SHQ1: variants seen among roughly 807,000 people sequenced by gnomAD.
The protein encoded by SHQ1 is protein SHQ1 homolog.
A neutral mutation model predicts 53.8 loss-of-function variants in SHQ1; 49 were observed. The ratio of observed to expected loss-of-function variants is 0.91; its 90% confidence interval spans 0.72 to 1.16. The LOEUF is 1.16. Among genes scored for constraint, SHQ1 ranks in the 50% most tolerant of loss-of-function variants. The pLI is 0.00. For synonymous variants in SHQ1, 243 were observed against 251.0 expected, an observed-to-expected ratio of 0.97 and a Z score of 0.30; for missense variants, 738 against 683.1, an observed-to-expected ratio of 1.08 and a Z score of -0.90.
At chr3:72,784,916 C>T (rs1218802652) in intron 10 of SHQ1, among the ~76,000 whole-genome samples, 1 of 152,176 alleles carries the variant, frequency 6.6e-6, no homozygotes, top group Admixed American at 6.6e-5. Context: ...GCAGTGTCTT[C>T]TTGAGGTGGC....
chr3:72,807,957 T>A (rs1048370906), intron 9 of SHQ1, among the ~76,000 whole-genome samples: 1 of 152,204 alleles, frequency 6.6e-6, no homozygotes, highest in Non-Finnish European at 1.5e-5. Context: ...GTTTCTTGGG[T>A]TACTACCTGC....
intron 1 of SHQ1, among the ~76,000 whole-genome samples, chr3:72,847,774 G>A (rs1289559578): frequency 6.6e-6 from 1 of 152,102 alleles, no homozygotes; most frequent in Non-Finnish European, 1.5e-5. Context: ...GGCGGCCTGG[G>A]CAAAGTTAAA....
chr3:72,795,515 A>T (rs931008735), intron 9 of SHQ1: 7 of 152,214 alleles, frequency 4.6e-5, no homozygotes, highest in Non-Finnish European at 7.3e-5. Context: ...GGAACAACTG[A>T]CCTGTAAGAA....
chr3:72,803,053 A>G (rs1706836753), intron 9 of SHQ1, among the ~76,000 whole-genome samples: 1 of 152,170 alleles, frequency 6.6e-6, no homozygotes, highest in Non-Finnish European at 1.5e-5. Context: ...CCTTCACTGC[A>G]GCTAAAACTG....
intron 5 of SHQ1, 36 bp downstream of exon 5, chr3:72,832,333 G>A: frequency 6.8e-7 from 1 of 1,460,852 alleles, no homozygotes; most frequent in Non-Finnish European, 9.6e-7. Context: ...TAAATGTCAA[G>A]TAAATTATTT....
chr3:72,825,288 A>G (rs1471816621), intron 5 of SHQ1, among the ~76,000 whole-genome samples: 1 of 151,730 alleles, frequency 6.6e-6, no homozygotes, highest in African/African-American at 2.4e-5. Context: ...TTTGAACTCA[A>G]CCAGCAAAGA....
At chr3:72,768,103 C>G (rs1006807976) in intron 10 of SHQ1, among the ~76,000 whole-genome samples, 3 of 152,082 alleles carry the variant, frequency 2.0e-5, no homozygotes, top group African/African-American at 7.2e-5. Flanking sequence ...GCTGTGATCA[C>G]AGCTGCAGAT....
chr3:72,765,585 A>C (rs1188892981), intron 10 of SHQ1, among the ~76,000 whole-genome samples: 4 of 108,848 alleles, frequency 3.7e-5, no homozygotes, highest in African/African-American at 9.0e-5. Flanking sequence ...AGACAGTCTC[A>C]CTCTGTCACC....
intron 9 of SHQ1, chr3:72,793,648 A>G (rs1706514860): frequency 6.6e-6 from 1 of 152,320 alleles, no homozygotes. Context: ...AACCAAATGA[A>G]TATCTAAATG....
chr3:72,732,408 T>G, the SHQ1 span, among the ~76,000 whole-genome samples: 5 of 143,078 alleles, frequency 3.5e-5, no homozygotes, highest in African/African-American at 1.3e-4. Context: ...CTTCCTTCCT[T>G]CCTTCCTTCC....
intron 9 of SHQ1, among the ~76,000 whole-genome samples, chr3:72,800,547 TATCACC>T (rs1706756576): frequency 6.6e-6 from 1 of 152,246 alleles, no homozygotes; most frequent in Non-Finnish European, 1.5e-5. Flanking sequence ...TGTCAGTATT[TATCACC>T]ATGTGTGATG....
At chr3:72,747,516 G>A (rs1490309883), downstream of SHQ1, among the ~76,000 whole-genome samples, 1 of 152,202 alleles carries the variant, frequency 6.6e-6, no homozygotes, top group Non-Finnish European at 1.5e-5. Flanking sequence ...ATGCTATGTA[G>A]GGAAGGACAA....
chr3:72,804,798 T>G (rs1439252023), intron 9 of SHQ1, among the ~76,000 whole-genome samples: 1 of 152,188 alleles, frequency 6.6e-6, no homozygotes, highest in Non-Finnish European at 1.5e-5. Flanking sequence ...GAAGTTGCAA[T>G]GAGCCATGAT....
intron 10 of SHQ1, among the ~76,000 whole-genome samples, chr3:72,770,809 T>C (rs1705830428): frequency 2.0e-5 from 3 of 152,178 alleles, no homozygotes. Flanking sequence ...CCATAGACCA[T>C]GAACTCAAAA....
chr3:72,760,387 G>A (rs1049557753), intron 10 of SHQ1, among the ~76,000 whole-genome samples: 1 of 152,198 alleles, frequency 6.6e-6, no homozygotes, highest in Non-Finnish European at 1.5e-5. Context: ...TCTAAGTGCA[G>A]AAACTCAATG....
intron 10 of SHQ1, among the ~76,000 whole-genome samples, chr3:72,776,652 T>C (rs776794426): frequency 1.2e-4 from 18 of 152,050 alleles, no homozygotes; most frequent in Non-Finnish European, 2.5e-4. Context: ...TGGAAAAAAA[T>C]TATAAAATTT....
chr3:72,795,049 C>T (rs1156693459), intron 9 of SHQ1: 5 of 152,210 alleles, frequency 3.3e-5, no homozygotes, highest in African/African-American at 7.2e-5. Flanking sequence ...CTTGCCTCAT[C>T]CAGTCTATAT....
chr3:72,732,368 G>T, the SHQ1 span, among the ~76,000 whole-genome samples: 2 of 124,968 alleles, frequency 1.6e-5, no homozygotes, highest in African/African-American at 6.6e-5. Context: ...CTGCCTGCCT[G>T]CCTGCCTGCC....
chr3:72,817,617 C>G (rs1707357936), intron 6 of SHQ1, among the ~76,000 whole-genome samples: 1 of 152,178 alleles, frequency 6.6e-6, no homozygotes, highest in African/African-American at 2.4e-5. Flanking sequence ...AATACCTATT[C>G]CTTAATTCCT....
Sources: gnomAD v4.1 joint callset for allele counts (sites outside exome capture counted in the v4.1 genomes callset) on GRCh38, gnomAD v4.1.1 for gene constraint, MANE v1.5 for transcripts, NCBI Gene and HGNC (gene_info 2026-07-23, HGNC 2026-07-21) for gene names.